The following HS6ST2 variants were observed in gnomAD, a reference collection of about 807,000 sequenced individuals.
The protein encoded by HS6ST2 is heparan-sulfate 6-O-sulfotransferase 2.
A neutral mutation model predicts 33.0 loss-of-function variants in HS6ST2; 17 were observed. That is an observed-to-expected ratio of 0.52 (90% CI 0.35 to 0.77). The LOEUF (loss-of-function observed/expected upper bound fraction) is 0.77, where lower values mean the gene tolerates loss of function less well. Ranked by LOEUF, HS6ST2 falls within the 30% of genes least tolerant of loss-of-function variation. The pLI is 0.01. For missense variants in HS6ST2, 519 were observed against 551.7 expected, an observed-to-expected ratio of 0.94 and a Z score of 0.59; for synonymous variants, 248 against 237.1, an observed-to-expected ratio of 1.05 and a Z score of -0.42.
chrX:132,741,915 G>A (rs2064584386), intron 2 of HS6ST2, among the ~76,000 whole-genome samples: 1 of 111,665 alleles, frequency 9.0e-6, no homozygotes, highest in Non-Finnish European at 1.9e-5. Context: ...TAATAACAAT[G>A]CCAACTCCAT....
In HS6ST2 at chrX:132,672,813, A is replaced by T. The variant is rs150616777; in HGVS notation, c.981-3614T>A. Among the ~76,000 whole-genome samples, 985 of 112,496 alleles carry T rather than the reference A, an allele frequency of 8.8e-3. 10 individuals are homozygous for T. The highest frequency in any genetic ancestry group is 0.029 in the African/African-American group (910 of 30,960). Reference sequence around the variant, plus strand: ...CTCTTCAGCATTTTCAGTGTTTCTGATTGAATGATTTGATGCTGAAATGGT... The same window carrying T: ...CTCTTCAGCATTTTCAGTGTTTCTGTTTGAATGATTTGATGCTGAAATGGT... On this transcript the variant is annotated intron_variant, in intron 3 of 4. Coordinates refer to ENST00000370833, the MANE Select transcript of HS6ST2 (RefSeq NM_001394073.1).
At chrX:132,631,914 T>A (rs750705604) in intron 4 of HS6ST2, among the ~76,000 whole-genome samples, 45 of 111,548 alleles carry the variant, frequency 4.0e-4, no homozygotes, top group Non-Finnish European at 7.7e-4. Context: ...ACAATCAATG[T>A]TTCATAAGCA....
At chrX:132,648,840 A>G (rs1441952027) in intron 4 of HS6ST2, among the ~76,000 whole-genome samples, 1 of 111,991 alleles carries the variant, frequency 8.9e-6, no homozygotes, top group African/African-American at 3.2e-5. Flanking sequence ...GCAAACAAAC[A>G]ACTAATGGGG....
rs752059190 is a variant in HS6ST2 at position 132,665,476 on chromosome X, A to G, written c.1067+3637T>C. On this transcript the variant is annotated intron_variant, in intron 4 of 4. Coordinates refer to ENST00000370833, the MANE Select transcript of HS6ST2 (RefSeq NM_001394073.1). ...CAGCAAAATAATTGGTCTCATGTAA[A>G]GTATGAAAATGTTCCAATACCAAAT... is the stretch of plus-strand genomic sequence containing the variant. 1.3e-4 allele frequency among the ~76,000 whole-genome samples: 15 copies of G among 111,586 alleles called. No individual in the cohort carries two copies. The East Asian group carries it at 4.2e-3, about 31-fold the overall frequency.
intron 4 of HS6ST2, among the ~76,000 whole-genome samples, chrX:132,663,591 T>C (rs2063789223): frequency 8.9e-6 from 1 of 112,873 alleles, no homozygotes; most frequent in Non-Finnish European, 1.9e-5. Context: ...ATTAATGCTT[T>C]CATTTGTCAC....
chrX:132,637,933 ATATAATATT>A (rs1262063294), intron 4 of HS6ST2, among the ~76,000 whole-genome samples: 5 of 72,425 alleles, frequency 6.9e-5, no homozygotes, highest in African/African-American at 1.1e-4. Context: ...TATATATTAT[ATATAATATT>A]TTATATATAA....
intron 2 of HS6ST2, among the ~76,000 whole-genome samples, chrX:132,728,961 A>G (rs933614405): frequency 8.9e-6 from 1 of 112,676 alleles, no homozygotes; most frequent in African/African-American, 3.2e-5. Flanking sequence ...CTCCACCTTC[A>G]GCCTGTATCA....
At chrX:132,770,910 T>C (rs1013499944) in intron 2 of HS6ST2, among the ~76,000 whole-genome samples, 3 of 111,777 alleles carry the variant, frequency 2.7e-5, no homozygotes, top group African/African-American at 9.8e-5. Context: ...AAAGAAAATA[T>C]CTTAAATGAT....
At chrX:132,651,143 A>T (rs1244318053) in intron 4 of HS6ST2, among the ~76,000 whole-genome samples, 1 of 112,098 alleles carries the variant, frequency 8.9e-6, no homozygotes, top group Admixed American at 9.5e-5. Context: ...TGAACATTAG[A>T]ACAACTAACA....
intron 2 of HS6ST2, among the ~76,000 whole-genome samples, chrX:132,750,414 C>G (rs2064693790): frequency 9.2e-6 from 1 of 108,109 alleles, no homozygotes; most frequent in Non-Finnish European, 1.9e-5. Context: ...GTCAGTATCA[C>G]ACCAACAGGA....
chrX:132,819,038 TG>T (rs773469693), intron 2 of HS6ST2, among the ~76,000 whole-genome samples: 127 of 111,464 alleles, frequency 1.1e-3, no homozygotes, highest in African/African-American at 4.1e-3. Flanking sequence ...TTAATTTTTA[TG>T]TTTTTTTTTT....
At chrX:132,912,048 T>G (rs1013947687) in intron 2 of HS6ST2, among the ~76,000 whole-genome samples, 6 of 112,533 alleles carry the variant, frequency 5.3e-5, no homozygotes, top group Non-Finnish European at 1.1e-4. Context: ...CACTGGCTAC[T>G]GCCGCTCACT....
intron 2 of HS6ST2, among the ~76,000 whole-genome samples, chrX:132,789,456 C>G (rs751797153): frequency 2.1e-5 from 1 of 48,184 alleles, no homozygotes. Flanking sequence ...CCTGAGAGCT[C>G]TCATGGAGAT....
intron 2 of HS6ST2, among the ~76,000 whole-genome samples, chrX:132,805,655 C>G (rs191906277): frequency 9.1e-6 from 1 of 110,290 alleles, no homozygotes; most frequent in African/African-American, 3.3e-5. Context: ...AGGCCAGACA[C>G]AAGATGAATC....
chrX:132,895,240 A>G (rs2066362726), intron 2 of HS6ST2, among the ~76,000 whole-genome samples: 1 of 111,917 alleles, frequency 8.9e-6, no homozygotes, highest in Admixed American at 9.5e-5. Context: ...GTGTTCGTTA[A>G]TCTTACCATG....
At chrX:132,934,065 A>T (rs2066800366) in intron 2 of HS6ST2, among the ~76,000 whole-genome samples, 1 of 74,910 alleles carries the variant, frequency 1.3e-5, no homozygotes, top group Non-Finnish European at 2.6e-5. Flanking sequence ...TAATAATGTA[A>T]TAATAAAATA....
chrX:132,919,234 C>T (rs1184294071), intron 2 of HS6ST2, among the ~76,000 whole-genome samples: 1 of 112,163 alleles, frequency 8.9e-6, no homozygotes, highest in Non-Finnish European at 1.9e-5. Context: ...CTAGAATATT[C>T]ACTTAATCCC....
chrX:132,639,563 C>T (rs2063586214), intron 4 of HS6ST2, among the ~76,000 whole-genome samples: 1 of 111,621 alleles, frequency 9.0e-6, no homozygotes, highest in Admixed American at 9.6e-5. Flanking sequence ...CACTGATTAA[C>T]ACACTCAAGC....
intron 4 of HS6ST2, among the ~76,000 whole-genome samples, chrX:132,630,556 T>C (rs1448451686): frequency 4.5e-5 from 5 of 111,871 alleles, no homozygotes; most frequent in African/African-American, 1.6e-4. Context: ...AAGTACCATC[T>C]CTTTTGTGAA....
Sources: gnomAD v4.1 joint callset for allele counts (sites outside exome capture counted in the v4.1 genomes callset) on GRCh38, gnomAD v4.1.1 for gene constraint, MANE v1.5 for transcripts, NCBI Gene and HGNC (gene_info 2026-07-23, HGNC 2026-07-21) for gene names.